The following LZTS2 variants were observed in gnomAD, a reference collection of about 807,000 sequenced individuals.
LZTS2 encodes leucine zipper putative tumor suppressor 2.
LZTS2 carries 32 observed loss-of-function variants against 60.6 expected under a neutral mutation model. That is an observed-to-expected ratio of 0.53 (90% CI 0.40 to 0.71). LZTS2 has a LOEUF of 0.71. Ranked by LOEUF, LZTS2 falls within the 30% of genes least tolerant of loss-of-function variation. The pLI is 0.00. For synonymous variants in LZTS2, 360 were observed against 393.1 expected, an observed-to-expected ratio of 0.92 and a Z score of 1.00; for missense variants, 792 against 901.9, an observed-to-expected ratio of 0.88 and a Z score of 1.56.
chr10:100,997,438 G>C (rs557128059), upstream of LZTS2, among the ~76,000 whole-genome samples: 3 of 152,168 alleles, frequency 2.0e-5, no homozygotes, highest in African/African-American at 7.2e-5. Context: ...ACAGACCCAC[G>C]CCCGCACTTG....
chr10:101,007,739 GT>G, exon 4 of LZTS2: 1 of 762,596 alleles, frequency 1.3e-6, no homozygotes, highest in South Asian at 4.1e-5. Context: ...CTTCACCCAG[GT>G]TTATGGCCTC....
chr10:101,005,309 TA>T, intron 2 of LZTS2, 148 bp from the exon 4 acceptor site: 3 of 891,458 alleles, frequency 3.4e-6, no homozygotes, highest in Non-Finnish European at 4.8e-6. Flanking sequence ...ATGATCATCA[TA>T]AAAGCAGTTA....
chr10:101,004,961 G>A (rs1384269085), intron 2 of LZTS2, among the ~76,000 whole-genome samples: 1 of 152,200 alleles, frequency 6.6e-6, no homozygotes, highest in African/African-American at 2.4e-5. Context: ...GCCTCCCAAA[G>A]TGCTGGGATT....
At chr10:101,007,695 T>C (rs1277842963) in exon 4 of LZTS2, 4 of 1,029,418 alleles carry the variant, frequency 3.9e-6, no homozygotes. Context: ...AGAAATGTCT[T>C]GTTTATTTGT....
At chr10:101,007,126 C>A (rs760412354) in exon 4 of LZTS2, 40 of 1,608,358 alleles carry the variant, frequency 2.5e-5, no homozygotes, top group Middle Eastern at 1.7e-4. Flanking sequence ...CCGAGCAGGC[C>A]CCCTGCATCT....
rs1320408881 is a variant in LZTS2, at chr10:100,999,832, T to C, written c.-2707T>C. The C allele has an allele frequency of 2.8e-4, 41 of 145,334 alleles. 1 individual carries two copies. In the East Asian group the frequency reaches 6.7e-3, roughly 24 times the overall value. 9.0% of individuals were successfully genotyped at this position (145,334 alleles called of 1,614,324 possible). ...CGGGGCTGGGCCGGGCAGCTCCGAG[T>C]GGCGGCGCGCGGGCCAGGGCCGGGG... On this transcript the variant is annotated 5_prime_UTR_variant, in exon 1 of 4. Transcript: ENST00000370220.
chr10:101,004,311 T>G lies in LZTS2; in HGVS notation c.1068+145T>G, dbSNP rs750379753. On this transcript the variant is annotated intron_variant, in intron 2 of 3. Transcript: ENST00000370220. ...CTGCCCTCCCCACCAGTTGTCTGGT[T>G]TAATGTGTGGAGTAGCCAGGTGTGG... The G allele has an allele frequency of 1.1e-5, 10 of 925,004 alleles. No homozygotes were observed. The African/African-American group carries it at 1.2e-4, about 11-fold the overall frequency. 57.3% of individuals were successfully genotyped at this position (925,004 alleles called of 1,614,324 possible). A position where few individuals can be genotyped will look rare whatever the true frequency, so the allele number is the denominator to read the frequency against.
rs748443070 is a variant in LZTS2, at chr10:101,003,745, C to T, written c.647C>T (p.Thr216Met). The change falls in exon 2 of 4, where the codon ACG (threonine) becomes ATG (methionine). Residue 216 changes from threonine to methionine, a missense_variant. Transcript: ENST00000370220. ...TGGGCCAGTGGCTGCCCATCAGGGA[C>T]GCTATCCGACTCTGGCCGAAACTCA... The T allele has an allele frequency of 2.0e-5, 33 of 1,612,860 alleles. No homozygotes were observed. The highest frequency in any genetic ancestry group is 4.0e-5 in the African/African-American group (3 of 74,928).
At chr10:101,006,974 G>C in exon 4 of LZTS2, 1 of 1,551,468 alleles carries the variant, frequency 6.4e-7, no homozygotes, top group African/African-American at 1.4e-5. Flanking sequence ...CTGGCAGGCA[G>C]AGAAGGAGCA....
chr10:101,002,699 C>T lies in LZTS2; in HGVS notation c.161C>T (p.Thr54Ile), dbSNP rs1440988589. Residue 54 changes from threonine to isoleucine, a missense_variant, in exon 1 of 4, where the codon ACC (threonine) becomes ATC (isoleucine). Thr to Ile is a moderately conservative substitution (Grantham distance 89). Coordinates refer to ENST00000370220, the Ensembl canonical transcript of LZTS2. ...CGCCACCACGGCCCTCCTGGGCCCA[C>T]CTTCTTCCGCCAGCAGGATGGCCTG... 3.1e-6 allele frequency: 5 copies of T among 1,610,782 alleles called. No homozygotes were observed. Among genetic ancestry groups the T allele is most frequent in the South Asian group, 1.1e-5 (1 of 90,760 alleles).
chr10:101,006,357 A>G, intron 3 of LZTS2, 128 bp from the exon 5 acceptor site: 1 of 1,426,652 alleles, frequency 7.0e-7, no homozygotes, highest in Non-Finnish European at 9.3e-7. Context: ...GACTTGCTTT[A>G]GTGTCTCCAT....
At chr10:100,997,402 C>G (rs773390265), upstream of LZTS2, among the ~76,000 whole-genome samples, 55 of 152,312 alleles carry the variant, frequency 3.6e-4, no homozygotes, top group Admixed American at 2.1e-3. Flanking sequence ...CGAAAACGCA[C>G]GCCGACGGGC....
At chr10:100,999,609 T>C in exon 1 of LZTS2, 1 of 152,290 alleles carries the variant, frequency 6.6e-6, no homozygotes, top group Non-Finnish European at 1.5e-5. Context: ...AGACACGCAG[T>C]CACAGGGCGT....
At chr10:101,007,461 C>T in exon 4 of LZTS2, 1 of 1,458,836 alleles carries the variant, frequency 6.9e-7, no homozygotes, top group South Asian at 1.2e-5. Flanking sequence ...TTCACAGGCG[C>T]TTCCAGCCCA....
chr10:101,004,264 GGTAGTT>G, intron 2 of LZTS2, 98 bp downstream of exon 3: 1 of 1,383,098 alleles, frequency 7.2e-7, no homozygotes, highest in Non-Finnish European at 9.7e-7. Flanking sequence ...ACGGGGGTTG[GGTAGTT>G]GTAGTTGTGA....
chr10:101,005,355 G>T, intron 2 of LZTS2, 103 bp from the exon 4 acceptor site: 1 of 1,311,030 alleles, frequency 7.6e-7, no homozygotes, highest in Non-Finnish European at 1.0e-6. Flanking sequence ...TTGTTTAATG[G>T]AATCCACCCT....
exon 4 of LZTS2, chr10:101,006,597 A>G: frequency 6.2e-7 from 1 of 1,607,836 alleles, no homozygotes; most frequent in Non-Finnish European, 8.5e-7. Flanking sequence ...GCGCTGCGGG[A>G]GGCCCGTGCT....
exon 3 of LZTS2, chr10:101,005,507 G>A (rs774012921): frequency 5.0e-6 from 8 of 1,590,164 alleles, no homozygotes; most frequent in Admixed American, 3.4e-5. Context: ...GAGGCCCTGC[G>A]AGAGGACTGT....
At chr10:101,006,332 T>C (rs1852193055) in intron 3 of LZTS2, among the ~76,000 whole-genome samples, 153 bp from the exon 5 acceptor site, 1 of 152,230 alleles carries the variant, frequency 6.6e-6, no homozygotes, top group Non-Finnish European at 1.5e-5. Flanking sequence ...CTGTATGACC[T>C]TGGACATGTC....
Sources: gnomAD v4.1 joint callset for allele counts (sites outside exome capture counted in the v4.1 genomes callset) on GRCh38, gnomAD v4.1.1 for gene constraint, MANE v1.5 for transcripts, NCBI Gene and HGNC (gene_info 2026-07-23, HGNC 2026-07-21) for gene names.